Variants in KMT2C observed in about 807,000 individuals in gnomAD.
KMT2C encodes histone-lysine N-methyltransferase 2C.
A neutral mutation model predicts 507.9 loss-of-function variants in KMT2C; 88 were observed. That is an observed-to-expected ratio of 0.17 (90% confidence interval 0.15 to 0.21). The LOEUF is 0.21. Among genes scored for constraint, KMT2C ranks in the 10% least tolerant of loss-of-function variants. KMT2C has a pLI of 1.00. For missense variants in KMT2C, 4,954 were observed against 5,957.8 expected (o/e 0.83, Z 5.55); for synonymous variants, 2,049 against 2,080.8 (o/e 0.98, Z 0.42).
rs1229192946 is a variant in KMT2C at position 152,135,115 on chromosome 7, G to A, written c.*1717C>T. 8.8e-6 allele frequency: 2 copies of A among 226,264 alleles called. No individual in the cohort carries two copies. The highest frequency in any genetic ancestry group is 6.4e-5 in the East Asian group (1 of 15,582). The allele number at this position is 226,264 out of a possible 1,614,324, so 14.0% of individuals were successfully genotyped here. Reference sequence around the variant, plus strand: ...GGTAGGATGTCAGGATATTGTACAAGAGAAGAAAAATATTCAGGAAACAAA... The same window carrying A: ...GGTAGGATGTCAGGATATTGTACAAAAGAAGAAAAATATTCAGGAAACAAA... On this transcript the variant is annotated 3_prime_UTR_variant, in exon 59 of 59. Transcript: ENST00000262189.
intron 2 of KMT2C, among the ~76,000 whole-genome samples, chr7:152,338,196 G>C (rs2096956169): frequency 6.6e-6 from 1 of 152,072 alleles, no homozygotes; most frequent in Non-Finnish European, 1.5e-5. Context: ...GTCACATCAT[G>C]AATTATTAAA....
Position 152,194,021 on chromosome 7 carries a change from T to C in KMT2C, c.4648A>G (p.Ile1550Val), listed in dbSNP as rs758850937. The C allele has an allele frequency of 7.0e-6, 11 of 1,565,052 alleles. No individual in the cohort carries two copies. Among genetic ancestry groups the C allele is most frequent in the Admixed American group, 4.2e-5 (2 of 47,468 alleles). ...AGTCATAACATACCCTGATTGTGTA[T>C]TGGCAACAGCTGTGTTGGTGGGGGA... ...QPPPPTQLLP[I>V]HNQDAFSRMP... Residue 1550 changes from isoleucine to valine, a missense_variant, in exon 31 of 59, where the codon ATA becomes GTA. Around this residue, in one of 29 missense-constraint regions of KMT2C, gnomAD observed 195 missense variants for 183.7 expected, o/e 1.06. Coordinates refer to ENST00000262189, the MANE Select transcript of KMT2C (RefSeq NM_170606.3).
chr7:152,362,335 G>A (rs984188040), intron 1 of KMT2C, among the ~76,000 whole-genome samples: 3 of 152,130 alleles, frequency 2.0e-5, no homozygotes, highest in Admixed American at 6.5e-5. Flanking sequence ...AAGGATATAC[G>A]GTGGCTGGGG....
At chr7:152,259,444 G>GCACACA (rs751421198) in intron 9 of KMT2C, among the ~76,000 whole-genome samples, 10 of 85,368 alleles carry the variant, frequency 1.2e-4, no homozygotes, top group South Asian at 7.4e-4. Context: ...ACACACACAC[G>GCACACA]CGCACACACA....
chr7:152,366,819 C>T (rs901187963), intron 1 of KMT2C: 7 of 229,992 alleles, frequency 3.0e-5, no homozygotes, highest in South Asian at 9.7e-5. Context: ...GCCCGGCCGC[C>T]GCCGCCCATC....
At chr7:152,424,720 C>G (rs999478837) in intron 1 of KMT2C, among the ~76,000 whole-genome samples, 1 of 152,148 alleles carries the variant, frequency 6.6e-6, no homozygotes, top group Non-Finnish European at 1.5e-5. Flanking sequence ...GCCCCCACGC[C>G]GGCCCCTTCG....
chr7:152,176,157 A>G (rs2129112497), intron 38 of KMT2C, 34 bp downstream of exon 38: 2 of 1,533,814 alleles, frequency 1.3e-6, no homozygotes, highest in Non-Finnish European at 8.8e-7. Flanking sequence ...TAATACCCAT[A>G]GTAATATACG....
At chr7:152,396,591 T>C (rs1301796614) in intron 1 of KMT2C, among the ~76,000 whole-genome samples, 1 of 152,214 alleles carries the variant, frequency 6.6e-6, no homozygotes, top group African/African-American at 2.4e-5. Context: ...GCCAGAGACA[T>C]GTTATGACTT....
In KMT2C at chr7:152,435,742, C is replaced by T. The variant is rs1199931479; in HGVS notation, c.45G>A (p.Pro15=). ...EDKSVEQPQP[P]PPPPEEPGAP... is the part of the protein sequence containing the mutation. ...CTCCAGGCTCCTCGGGGGGTGGTGG[C>T]GGCGGCTGCGGCTGCTCCACGCTCT... Residue 15 remains proline (P), a synonymous_variant, in exon 1 of 59, where the codon CCG becomes CCA. Coordinates refer to ENST00000262189, the MANE Select transcript of KMT2C (RefSeq NM_170606.3). 1.3e-6 allele frequency: 2 copies of T among 1,509,774 alleles called. No individual in the cohort carries two copies. The highest frequency in any genetic ancestry group is 1.8e-6 in the Non-Finnish European group (2 of 1,125,902). 93.5% of individuals were successfully genotyped at this position (1,509,774 alleles called of 1,614,324 possible).
At chr7:152,339,648 G>A (rs2096971684) in intron 2 of KMT2C, among the ~76,000 whole-genome samples, 1 of 152,050 alleles carries the variant, frequency 6.6e-6, no homozygotes, top group Non-Finnish European at 1.5e-5. Flanking sequence ...AGGGGACTAT[G>A]GCACTGAAAA....
intron 1 of KMT2C, among the ~76,000 whole-genome samples, chr7:152,388,096 CAA>C (rs1420870517): frequency 2.5e-5 from 3 of 119,064 alleles, no homozygotes; most frequent in Admixed American, 8.7e-5. Context: ...GTAACCTCTT[CAA>C]AAAAAAAAAA....
At chr7:152,186,641 T>A (rs2093635943) in intron 33 of KMT2C, among the ~76,000 whole-genome samples, 1 of 152,204 alleles carries the variant, frequency 6.6e-6, no homozygotes, top group Admixed American at 6.5e-5. Context: ...GCTGGGAAAC[T>A]ATTGCAAAAC....
At chr7:152,290,013 C>A (rs1485248528) in intron 6 of KMT2C, among the ~76,000 whole-genome samples, 2 of 151,756 alleles carry the variant, frequency 1.3e-5, no homozygotes, top group Non-Finnish European at 2.9e-5. Context: ...TGCATTCCAG[C>A]CTGGGCAACA....
intron 31 of KMT2C, among the ~76,000 whole-genome samples, chr7:152,193,684 C>CCACA (rs140030416): frequency 1.1e-3 from 161 of 151,030 alleles, no homozygotes; most frequent in Non-Finnish European, 1.7e-3. Context: ...GGGGACAGTT[C>CCACA]CACACACACA....
rs2095618870 is a variant in KMT2C at position 152,254,820 on chromosome 7, G to T, written c.1300-2105C>A. Among the ~76,000 whole-genome samples the T allele has an allele frequency of 2.6e-5, 4 of 151,968 alleles. 1 individual carries two copies. The Middle Eastern group carries it at 0.01, about 388-fold the overall frequency. The stretch of plus-strand genomic sequence containing the variant: ...CAGAGTTGGAACATCCTAGAAAATT[G>T]TTCAAAAATTCAATAAAAGAATTCA... On this transcript the variant is annotated intron_variant, in intron 9 of 58. Transcript: ENST00000262189.
intron 2 of KMT2C, among the ~76,000 whole-genome samples, chr7:152,349,172 G>A (rs1040056263): frequency 3.9e-5 from 6 of 152,140 alleles, no homozygotes; most frequent in Admixed American, 1.3e-4. Context: ...AGGGCTGGGC[G>A]CGGTGACTCA....
intron 2 of KMT2C, among the ~76,000 whole-genome samples, chr7:152,338,965 C>G (rs2096964326): frequency 6.6e-6 from 1 of 152,148 alleles, no homozygotes; most frequent in South Asian, 2.1e-4. Context: ...CAGCCAAGTT[C>G]ACAGAAATAA....
intron 1 of KMT2C, chr7:152,368,065 A>G: frequency 1.1e-6 from 1 of 871,458 alleles, no homozygotes; most frequent in Non-Finnish European, 2.0e-6. Context: ...CTTGCTAAAA[A>G]GGTAAAGGAC....
intron 2 of KMT2C, among the ~76,000 whole-genome samples, chr7:152,356,903 T>G (rs200964936): frequency 7.7e-4 from 48 of 62,682 alleles, no homozygotes; most frequent in East Asian, 1.4e-3. Context: ...AAAAGAATAA[T>G]AATAATAATA....
Sources: allele counts gnomAD v4.1 joint callset (sites outside exome capture counted in the v4.1 genomes callset), GRCh38; gene constraint gnomAD v4.1.1; regional missense constraint gnomAD v4.1.1; transcripts MANE v1.5; gene names NCBI Gene and HGNC (gene_info 2026-07-23, HGNC 2026-07-21).